Variants in XKR4 observed in about 807,000 individuals in gnomAD.
The protein encoded by XKR4 is XK-related protein 4.
Under a neutral mutation model 53.9 loss-of-function variants are expected in XKR4, and 12 were observed. The ratio of observed to expected loss-of-function variants is 0.22; its 90% CI spans 0.14 to 0.36. XKR4 has a LOEUF of 0.36. XKR4 is among the 10% of genes least tolerant of loss of function. XKR4 has a pLI of 1.00. For missense variants in XKR4, 799 were observed against 859.5 expected (o/e 0.93, Z 0.88); for synonymous variants, 354 against 362.4 (o/e 0.98, Z 0.26).
intron 1 of XKR4, among the ~76,000 whole-genome samples, chr8:55,153,080 G>A (rs555002377): frequency 7.2e-5 from 11 of 152,158 alleles, no homozygotes; most frequent in Non-Finnish European, 1.6e-4. Context: ...CCAGGCTCAC[G>A]CTGGGTTGAC....
chr8:55,264,081 T>C (rs1231948396), intron 1 of XKR4, among the ~76,000 whole-genome samples: 1 of 152,208 alleles, frequency 6.6e-6, no homozygotes, highest in Non-Finnish European at 1.5e-5. Context: ...ATCTTACTGC[T>C]GCTATGCTGG....
chr8:55,266,099 A>G (rs1300218418), intron 1 of XKR4, among the ~76,000 whole-genome samples: 3 of 152,066 alleles, frequency 2.0e-5, no homozygotes, highest in Admixed American at 6.6e-5. Context: ...TTGAGGTTGC[A>G]GTGAGCTATG....
At chr8:55,330,617 A>G (rs1335848729) in intron 1 of XKR4, among the ~76,000 whole-genome samples, 1 of 152,242 alleles carries the variant, frequency 6.6e-6, no homozygotes, top group East Asian at 1.9e-4. Context: ...TTCAGCAGTA[A>G]TGAAGTTATG....
intron 1 of XKR4, among the ~76,000 whole-genome samples, chr8:55,305,263 T>C (rs1309802948): frequency 1.3e-5 from 2 of 152,172 alleles, no homozygotes; most frequent in African/African-American, 2.4e-5. Context: ...GCAGGTCCAA[T>C]ACCAGACATC....
intron 1 of XKR4, among the ~76,000 whole-genome samples, chr8:55,274,052 T>C (rs980338675): frequency 6.6e-6 from 1 of 152,214 alleles, no homozygotes; most frequent in Admixed American, 6.5e-5. Context: ...ACTGTCTTCA[T>C]GCATAAGATC....
chr8:55,454,024 C>T, intron 2 of XKR4: 2 of 894,258 alleles, frequency 2.2e-6, no homozygotes, highest in Non-Finnish European at 3.6e-6. Flanking sequence ...ACACGACGTG[C>T]AGGCACCAGA....
intron 1 of XKR4, among the ~76,000 whole-genome samples, chr8:55,294,756 T>G (rs2067777): frequency 2.0e-5 from 3 of 152,180 alleles, no homozygotes; most frequent in Non-Finnish European, 4.4e-5. Context: ...TTCTATCAGT[T>G]AGACACCTGC....
intron 2 of XKR4, among the ~76,000 whole-genome samples, chr8:55,365,858 A>G (rs1247859640): frequency 1.3e-5 from 2 of 152,188 alleles, no homozygotes; most frequent in African/African-American, 2.4e-5. Flanking sequence ...GACTGAAGGA[A>G]GAGGGCTCAG....
chr8:55,469,943 C>T (rs1456875183), intron 2 of XKR4, among the ~76,000 whole-genome samples: 6 of 152,040 alleles, frequency 3.9e-5, no homozygotes, highest in Admixed American at 6.6e-5. Context: ...TTTAAAATGG[C>T]CCCGCTTTCT....
intron 1 of XKR4, among the ~76,000 whole-genome samples, chr8:55,313,072 T>A (rs1380668741): frequency 6.6e-6 from 1 of 152,234 alleles, no homozygotes; most frequent in East Asian, 1.9e-4. Context: ...GTTTTAATCC[T>A]GTGTTTTATA....
At chr8:55,412,095 G>A (rs1357325145) in intron 2 of XKR4, among the ~76,000 whole-genome samples, 2 of 152,142 alleles carry the variant, frequency 1.3e-5, no homozygotes, top group African/African-American at 2.4e-5. Context: ...AGCAGGAAAG[G>A]GGCATCAGGG....
chr8:55,452,637 A>G, intron 2 of XKR4: 1 of 1,405,224 alleles, frequency 7.1e-7, no homozygotes, highest in Non-Finnish European at 1.0e-6. Flanking sequence ...CATGACATGC[A>G]GCCCCTTGAG....
intron 2 of XKR4, among the ~76,000 whole-genome samples, chr8:55,408,887 G>C (rs1227006128): frequency 6.6e-6 from 1 of 151,942 alleles, no homozygotes; most frequent in Non-Finnish European, 1.5e-5. Flanking sequence ...TGCGCCTGTA[G>C]TCCCAGCTAC....
intron 1 of XKR4, among the ~76,000 whole-genome samples, chr8:55,283,200 G>A (rs904507087): frequency 3.9e-5 from 6 of 152,158 alleles, no homozygotes; most frequent in East Asian, 1.9e-4. Context: ...TATCATCATC[G>A]TTAAGTGATG....
intron 1 of XKR4, among the ~76,000 whole-genome samples, chr8:55,180,194 C>A (rs191279792): frequency 6.6e-6 from 1 of 152,280 alleles, no homozygotes; most frequent in East Asian, 1.9e-4. Context: ...CCATCAATAG[C>A]AGCACACATT....
intron 1 of XKR4, among the ~76,000 whole-genome samples, chr8:55,238,049 A>T (rs563572864): frequency 6.6e-6 from 1 of 152,224 alleles, no homozygotes; most frequent in Admixed American, 6.5e-5. Context: ...AGACAGTGAT[A>T]TAAAAAAAAT....
intron 1 of XKR4, among the ~76,000 whole-genome samples, chr8:55,137,592 T>G (rs1196186224): frequency 1.4e-5 from 2 of 147,762 alleles, no homozygotes; most frequent in African/African-American, 5.0e-5. Context: ...TTTTTTTTTT[T>G]GAAATAGGGG....
chr8:55,242,465 G>A (rs948609820), intron 1 of XKR4, among the ~76,000 whole-genome samples: 5 of 152,078 alleles, frequency 3.3e-5, no homozygotes, highest in African/African-American at 1.2e-4. Flanking sequence ...AATGCGAGGA[G>A]GTAACAAGGC....
rs1803176351 is a variant in XKR4 at position 55,319,547 on chromosome 8, G to A, written c.807-38131G>A. 2.0e-5 allele frequency among the ~76,000 whole-genome samples: 3 copies of A among 152,146 alleles called. No individual in the cohort carries two copies. The South Asian group carries it at 6.2e-4, about 32-fold the overall frequency. ...TATTTTCTAATTTACATTGATTCAT[G>A]GGCAAGAAACTGTAACGTGCTGCTG... On this transcript the variant is annotated intron_variant, in intron 1 of 2. Transcript: ENST00000327381.
Sources: gnomAD v4.1 joint callset for allele counts (sites outside exome capture counted in the v4.1 genomes callset) on GRCh38, gnomAD v4.1.1 for gene constraint, MANE v1.5 for transcripts, NCBI Gene and HGNC (gene_info 2026-07-23, HGNC 2026-07-21) for gene names.